The following COL5A1 variants were observed in gnomAD, a reference collection of about 807,000 sequenced individuals.
The protein encoded by COL5A1 is collagen type V alpha 1 chain.
A neutral mutation model predicts 263.7 loss-of-function variants in COL5A1; 16 were observed. That is an observed-to-expected ratio of 0.06 (90% CI 0.04 to 0.09). The LOEUF (loss-of-function observed/expected upper bound fraction) is 0.09. Among genes scored for constraint, COL5A1 ranks in the 10% least tolerant of loss-of-function variants. The pLI, the probability that COL5A1 is intolerant of heterozygous loss-of-function variation, is 1.00. For missense variants in COL5A1, 2,036 were observed against 2,540.5 expected (o/e 0.80, Z 4.27); for synonymous variants, 1,012 against 1,004.5 (o/e 1.01, Z -0.14).
intron 1 of COL5A1, among the ~76,000 whole-genome samples, chr9:134,655,412 A>T (rs1831932220): frequency 6.6e-6 from 1 of 152,020 alleles, no homozygotes; most frequent in Non-Finnish European, 1.5e-5. Context: ...TTAGCCTCTC[A>T]GCTGGGCTGT....
In COL5A1 at chr9:134,760,345, C is replaced by A. The variant is rs1322534665; in HGVS notation, c.1936-1580C>A. Among the ~76,000 whole-genome samples, 255 of 94,344 alleles carry A rather than the reference C, an allele frequency of 2.7e-3. 5 individuals are homozygous for A. Among genetic ancestry groups the A allele is most frequent in the East Asian group, 8.2e-3 (20 of 2,442 alleles). The allele number at this position is 94,344 out of a possible 152,430, so 61.9% of individuals were successfully genotyped here. On this transcript the variant is annotated intron_variant, in intron 18 of 65. Coordinates refer to ENST00000371817, the MANE Select transcript of COL5A1 (RefSeq NM_000093.5). ...ACACACCACACATGCACACACACCC[C>A]CACACACCCCCACACATACACACAC... is the stretch of plus-strand genomic sequence containing the variant.
At chr9:134,692,115 C>A (rs1833306177) in intron 2 of COL5A1, among the ~76,000 whole-genome samples, 1 of 152,210 alleles carries the variant, frequency 6.6e-6, no homozygotes. Context: ...AGAATCTGGG[C>A]AGTTCTTTTC....
intron 9 of COL5A1, among the ~76,000 whole-genome samples, chr9:134,735,836 T>G (rs576422891): frequency 5.3e-5 from 8 of 152,310 alleles, no homozygotes; most frequent in South Asian, 2.1e-4. Flanking sequence ...TCTCTCTGAG[T>G]GTGCATCTGT....
chr9:134,701,349 G>A lies in COL5A1; in HGVS notation c.654+16G>A. The A allele has an allele frequency of 6.2e-7, 1 of 1,612,324 alleles. No individual in the cohort carries two copies. ...GGTGTTTGAGGTGAGCAGGAGGGCA[G>A]ACCAACCCCTGTGCCCACCAGGGCA... is the stretch of plus-strand genomic sequence containing the variant. On this transcript the variant is annotated intron_variant, in intron 4 of 65. Transcript: ENST00000371817.
Position 134,812,623 on chromosome 9 carries a change from G to A in COL5A1, c.3763G>A (p.Gly1255Ser). 6.2e-7 allele frequency: 1 copy of A among 1,604,096 alleles called. No individual in the cohort carries two copies. Among genetic ancestry groups the A allele is most frequent in the South Asian group, 1.1e-5 (1 of 89,600 alleles). Reference sequence around the variant, plus strand: ...TTCCTAGGGCCCCCCGGGTCCCCCTGGCCCCCGAGGACCCTCCGGAGCTCC... The same window carrying A: ...TTCCTAGGGCCCCCCGGGTCCCCCTAGCCCCCGAGGACCCTCCGGAGCTCC... ...VGQMGPPGPP[G>S]PRGPSGAPGA... The change falls in exon 48 of 66, where the codon GGC becomes AGC. Residue 1255 changes from glycine (G) to serine (S), a missense_variant. Physicochemically the swap from Gly to Ser is moderately conservative, Grantham distance 56. Transcript: ENST00000371817.
chr9:134,796,457 G>C, intron 35 of COL5A1, 39 bp downstream of exon 35: 1 of 1,607,498 alleles, frequency 6.2e-7, no homozygotes, highest in Non-Finnish European at 8.5e-7. Flanking sequence ...TCCAAGGGCA[G>C]AGCCTGCCTC....
chr9:134,748,149 TCA>T (rs1564429227), intron 11 of COL5A1, among the ~76,000 whole-genome samples: 1 of 148,968 alleles, frequency 6.7e-6, no homozygotes, highest in African/African-American at 2.5e-5. Flanking sequence ...ACACATGCAT[TCA>T]CACATTCCAC....
chr9:134,744,281 G>T (rs1835392974), intron 11 of COL5A1, among the ~76,000 whole-genome samples: 1 of 151,730 alleles, frequency 6.6e-6, no homozygotes, highest in Non-Finnish European at 1.5e-5. Flanking sequence ...AAGCACACAC[G>T]CTTGCACACT....
chr9:134,642,206 T>TG lies in COL5A1; in HGVS notation c.21dup (p.Lys8GlufsTer46). The TG allele has an allele frequency of 1.5e-6, 2 of 1,304,458 alleles. No individual in the cohort carries two copies. The highest frequency in any genetic ancestry group is 2.0e-6 in the Non-Finnish European group (2 of 1,024,386). The allele number at this position is 1,304,458 out of a possible 1,614,324, so 80.8% of individuals were successfully genotyped here. On this transcript the variant is annotated frameshift_variant, in exon 1 of 66. Transcript: ENST00000371817. LOFTEE classifies it high-confidence loss of function. This position sits in a 1 kb window ranked among gnomAD's most constrained non-coding sequence, Gnocchi z 4.5. ...CGCCGGCATGGACGTCCATACCCGC[T>TG]GGAAAGCGCGCAGCGCGCTCCGCCC...
chr9:134,648,844 T>C (rs1831565768), intron 1 of COL5A1, among the ~76,000 whole-genome samples: 1 of 152,236 alleles, frequency 6.6e-6, no homozygotes, highest in Admixed American at 6.5e-5. Flanking sequence ...TCTGAGGCTC[T>C]GAGCCTGAGC....
Position 134,738,714 on chromosome 9 carries a change from T to C in COL5A1, c.1432-32T>C, listed in dbSNP as rs75398357. 2.5e-3 allele frequency: 4,036 copies of C among 1,592,970 alleles called. 145 individuals carry two copies. The East Asian group carries it at 0.081, about 32-fold the overall frequency. On this transcript the variant is annotated intron_variant, in intron 10 of 65. Coordinates refer to ENST00000371817, the MANE Select transcript of COL5A1 (RefSeq NM_000093.5). ...TGGACCTTGCCCTGCGGCCCCATCT[T>C]CTAACTGCCCCAACTTTATTTTTAA...
chr9:134,643,410 G>C (rs974614767), intron 1 of COL5A1, among the ~76,000 whole-genome samples: 16 of 152,348 alleles, frequency 1.1e-4, no homozygotes, highest in African/African-American at 3.6e-4. Flanking sequence ...CTGCCAGCAA[G>C]AATGCTTCTC....
intron 1 of COL5A1, among the ~76,000 whole-genome samples, chr9:134,663,980 G>C (rs1344134228): frequency 6.6e-6 from 1 of 152,212 alleles, no homozygotes; most frequent in African/African-American, 2.4e-5. Context: ...ACATCTTGGG[G>C]GTGCTGGGCA....
At chr9:134,769,140 T>G (rs1282706859) in intron 25 of COL5A1, among the ~76,000 whole-genome samples, 3 of 152,254 alleles carry the variant, frequency 2.0e-5, no homozygotes, top group African/African-American at 7.2e-5. Context: ...ACAAACGAGA[T>G]TAGCAGAATT....
intron 64 of COL5A1, among the ~76,000 whole-genome samples, chr9:134,831,267 G>T (rs77114082): frequency 3.9e-5 from 6 of 152,150 alleles, no homozygotes; most frequent in Non-Finnish European, 5.9e-5. Flanking sequence ...TTCATCTCTC[G>T]TGCCCTCATT....
At position 134,711,305 on chromosome 9, in the gene COL5A1, C is replaced by T. The variant is rs375983882; in HGVS notation, c.654+9972C>T. On this transcript the variant is annotated intron_variant, in intron 4 of 65. Transcript: ENST00000371817. Reference sequence around the variant, plus strand: ...GGTCAGGCCGGTGACACCCCACTTGCAGGGCCTGGGTGCTGTCGTATAGAC... The same window carrying T: ...GGTCAGGCCGGTGACACCCCACTTGTAGGGCCTGGGTGCTGTCGTATAGAC... 2.4e-4 allele frequency among the ~76,000 whole-genome samples: 36 copies of T among 152,192 alleles called. No homozygotes were observed. In the East Asian group the frequency reaches 7.0e-3, roughly 29 times the overall value.
chr9:134,683,197 C>T (rs1256770206), intron 1 of COL5A1, among the ~76,000 whole-genome samples: 1 of 152,218 alleles, frequency 6.6e-6, no homozygotes, highest in Non-Finnish European at 1.5e-5. Context: ...CACCTCCTCC[C>T]GTGGCAGTGC....
At chr9:134,763,913 G>A (rs558503408) in intron 20 of COL5A1, among the ~76,000 whole-genome samples, 176 bp downstream of exon 20, 2 of 151,826 alleles carry the variant, frequency 1.3e-5, no homozygotes, top group East Asian at 2.0e-4. Flanking sequence ...AGGCACAGGC[G>A]AGGCTGGCTG....
intron 1 of COL5A1, among the ~76,000 whole-genome samples, chr9:134,648,069 G>A (rs1285977544): frequency 1.3e-5 from 2 of 152,054 alleles, no homozygotes; most frequent in African/African-American, 2.4e-5. Context: ...CTAATCAGCC[G>A]CTAGCAGGTG....
Sources: allele counts gnomAD v4.1 joint callset (sites outside exome capture counted in the v4.1 genomes callset), GRCh38; gene constraint gnomAD v4.1.1; non-coding constraint Gnocchi (gnomAD v3.1); transcripts MANE v1.5; gene names NCBI Gene and HGNC (gene_info 2026-07-23, HGNC 2026-07-21).